STPG2: variants seen among roughly 807,000 people sequenced by gnomAD.
STPG2 encodes sperm-tail PG-rich repeat-containing protein 2.
STPG2 carries 56 observed loss-of-function variants against 54.2 expected under a neutral mutation model. The observed-to-expected ratio is 1.03, with a 90% CI of 0.83 to 1.29. STPG2 has a LOEUF of 1.29. Ranked by LOEUF, STPG2 falls within the 50% of genes most tolerant of loss-of-function variation. STPG2 has a pLI of 0.00. For missense variants in STPG2, 596 were observed against 544.9 expected, an observed-to-expected ratio of 1.09 and a Z score of -0.93; for synonymous variants, 200 against 181.8, an observed-to-expected ratio of 1.10 and a Z score of -0.81.
Position 97,734,316 on chromosome 4 carries a change from A to G in STPG2, c.1205-21502T>C, listed in dbSNP as rs994464707. ...AGGAGTACAGTTGCAGGTTTGTTACATAGGTAAACTTGTGTTATGAGTGCT... is the reference window on the plus strand; with the variant it reads ...AGGAGTACAGTTGCAGGTTTGTTACGTAGGTAAACTTGTGTTATGAGTGCT... On this transcript the variant is annotated intron_variant, in intron 9 of 10. Transcript: ENST00000295268. Among the ~76,000 whole-genome samples, 7 of 152,164 alleles carry G rather than the reference A, an allele frequency of 4.6e-5. No individual in the cohort carries two copies. The East Asian group carries it at 1.2e-3, about 25-fold the overall frequency.
chr4:97,690,387 G>A (rs1041552102), intron 10 of STPG2, among the ~76,000 whole-genome samples: 1 of 152,040 alleles, frequency 6.6e-6, no homozygotes, highest in Non-Finnish European at 1.5e-5. Context: ...CCAGAAGGTA[G>A]CCACTTTTAG....
At chr4:97,632,831 G>A (rs770463331) in intron 10 of STPG2, among the ~76,000 whole-genome samples, 14 of 152,064 alleles carry the variant, frequency 9.2e-5, no homozygotes, top group Admixed American at 2.0e-4. Context: ...AGGTAAGTAA[G>A]CTTATATCCT....
At chr4:97,672,712 C>A (rs1169929610) in intron 10 of STPG2, among the ~76,000 whole-genome samples, 2 of 152,098 alleles carry the variant, frequency 1.3e-5, no homozygotes, top group Non-Finnish European at 2.9e-5. Context: ...CTCAGGAGAA[C>A]ATGACTGAGT....
intron 5 of STPG2, among the ~76,000 whole-genome samples, chr4:98,071,433 A>C (rs905317392): frequency 6.6e-6 from 1 of 150,900 alleles, no homozygotes; most frequent in Non-Finnish European, 1.5e-5. Context: ...TGGATTAAAG[A>C]TTTACATGAA....
chr4:97,515,249 T>G (rs1172085099), intron 4 of STPG2, among the ~76,000 whole-genome samples: 2 of 152,086 alleles, frequency 1.3e-5, no homozygotes, highest in East Asian at 3.9e-4. Context: ...GTTATGGATA[T>G]TACAAGTAAG....
chr4:97,764,112 GCACACA>G (rs3974908), intron 9 of STPG2, among the ~76,000 whole-genome samples: 12 of 141,068 alleles, frequency 8.5e-5, no homozygotes, highest in Non-Finnish European at 1.4e-4. Flanking sequence ...AACACCACAT[GCACACA>G]CACACACACA....
At chr4:97,542,526 T>C (rs1270289332) in intron 4 of STPG2, among the ~76,000 whole-genome samples, 1 of 152,208 alleles carries the variant, frequency 6.6e-6, no homozygotes, top group Admixed American at 6.5e-5. Flanking sequence ...TTGGTGGGAC[T>C]GTAAACTAGT....
chr4:98,058,442 T>A (rs1834645), intron 5 of STPG2, among the ~76,000 whole-genome samples: 59,977 of 151,828 alleles, frequency 0.4, 12,060 homozygotes, highest in Middle Eastern at 0.46. Context: ...TTCAAACCAA[T>A]AAATATCAAA....
chr4:97,515,581 T>C (rs1731057967), intron 4 of STPG2, among the ~76,000 whole-genome samples: 1 of 152,062 alleles, frequency 6.6e-6, no homozygotes, highest in African/African-American at 2.4e-5. Context: ...TAGGATATAA[T>C]GCAGTTTGTA....
chr4:97,444,491 G>T (rs1378347348), intron 4 of STPG2, among the ~76,000 whole-genome samples: 1 of 152,170 alleles, frequency 6.6e-6, no homozygotes, highest in African/African-American at 2.4e-5. Context: ...TTTTGTAAAT[G>T]CTCAAAGAAA....
intron 5 of STPG2, among the ~76,000 whole-genome samples, chr4:98,063,061 C>T (rs1448471609): frequency 2.0e-5 from 3 of 152,000 alleles, no homozygotes; most frequent in Non-Finnish European, 4.4e-5. Flanking sequence ...CATCTTCTAA[C>T]ACAGTAAAAC....
At chr4:97,664,126 A>G (rs1269962778) in intron 10 of STPG2, among the ~76,000 whole-genome samples, 1 of 152,208 alleles carries the variant, frequency 6.6e-6, no homozygotes. Context: ...GCATTACTAT[A>G]TAGCAGTCCT....
chr4:98,007,947 T>C lies in STPG2; in HGVS notation c.613-26629A>G, dbSNP rs906158809. Among the ~76,000 whole-genome samples, 23 of 152,204 alleles carry C rather than the reference T, an allele frequency of 1.5e-4. 1 individual carries two copies. The highest frequency in any genetic ancestry group is 3.4e-3 in the Middle Eastern group (1 of 294). On this transcript the variant is annotated intron_variant, in intron 5 of 10. Coordinates refer to ENST00000295268, the MANE Select transcript of STPG2 (RefSeq NM_174952.3). ...CAATAAACAAAGCCTTTGAGAAGTA[T>C]AGGACTAAATAAAGTGTCTAAACTT...
intron 4 of STPG2, among the ~76,000 whole-genome samples, chr4:97,499,872 G>A (rs1730687524): frequency 6.6e-6 from 1 of 152,028 alleles, no homozygotes; most frequent in Admixed American, 6.6e-5. Flanking sequence ...GTAGAGGTTA[G>A]TATTAAATAG....
intron 10 of STPG2, among the ~76,000 whole-genome samples, chr4:97,629,034 G>T (rs1721154944): frequency 6.6e-6 from 1 of 151,854 alleles, no homozygotes; most frequent in Non-Finnish European, 1.5e-5. Flanking sequence ...ATCTGACTTT[G>T]ATTTCCCATA....
At chr4:97,578,563 T>C (rs919355215) in intron 10 of STPG2, among the ~76,000 whole-genome samples, 9 of 151,980 alleles carry the variant, frequency 5.9e-5, no homozygotes, top group Non-Finnish European at 1.3e-4. Flanking sequence ...CTGCATAGAA[T>C]TGGAGACTTA....
At chr4:97,461,295 G>A (rs1729656510) in intron 4 of STPG2, among the ~76,000 whole-genome samples, 1 of 151,748 alleles carries the variant, frequency 6.6e-6, no homozygotes. Flanking sequence ...CATGCTAATG[G>A]GAATAAAGTA....
intron 9 of STPG2, among the ~76,000 whole-genome samples, chr4:97,776,902 C>A (rs1235835352): frequency 6.6e-6 from 1 of 152,128 alleles, no homozygotes; most frequent in East Asian, 1.9e-4. Context: ...CACTGCAGTG[C>A]ATGCCAAAAA....
chr4:97,830,240 A>AT (rs1176785793), intron 9 of STPG2, among the ~76,000 whole-genome samples: 2 of 152,210 alleles, frequency 1.3e-5, no homozygotes, highest in East Asian at 1.9e-4. Flanking sequence ...AAAGAAAAGT[A>AT]TTTTCAACAC....
Sources: gnomAD v4.1 joint callset for allele counts (sites outside exome capture counted in the v4.1 genomes callset) on GRCh38, gnomAD v4.1.1 for gene constraint, MANE v1.5 for transcripts, NCBI Gene and HGNC (gene_info 2026-07-23, HGNC 2026-07-21) for gene names.